Variants in BPTF observed in about 807,000 individuals in gnomAD.
BPTF encodes nucleosome-remodeling factor subunit BPTF.
Under a neutral mutation model 292.5 loss-of-function variants are expected in BPTF, and 18 were observed. That is an observed-to-expected ratio of 0.06 (90% CI 0.04 to 0.09). BPTF has a LOEUF of 0.09. BPTF is among the 10% of genes least tolerant of loss of function. BPTF has a pLI of 1.00. For synonymous variants in BPTF, 1,225 were observed against 1,251.9 expected (o/e 0.98, Z 0.45); for missense variants, 2,726 against 3,498.7 (o/e 0.78, Z 5.57).
chr17:67,838,131 C>T (rs1292829794), intron 1 of BPTF, among the ~76,000 whole-genome samples: 1 of 152,232 alleles, frequency 6.6e-6, no homozygotes, highest in Non-Finnish European at 1.5e-5. Context: ...CACAGCTGCT[C>T]AGCTCTGCCC....
At chr17:67,836,669 A>G (rs1407088693) in intron 1 of BPTF, among the ~76,000 whole-genome samples, 2 of 152,226 alleles carry the variant, frequency 1.3e-5, no homozygotes, top group Admixed American at 6.5e-5. Context: ...ATCCTTAACA[A>G]TATCGTAGAC....
At chr17:67,877,744 A>G (rs2145824711) in intron 4 of BPTF, among the ~76,000 whole-genome samples, 2 of 152,166 alleles carry the variant, frequency 1.3e-5, no homozygotes, top group Middle Eastern at 6.8e-3. Flanking sequence ...TCAGCCTTCC[A>G]AGTAGCTGAG....
At chr17:67,886,763 T>G (rs2060782009) in intron 4 of BPTF, among the ~76,000 whole-genome samples, 1 of 152,216 alleles carries the variant, frequency 6.6e-6, no homozygotes, top group Admixed American at 6.5e-5. Flanking sequence ...GCATCCTGCT[T>G]TTTTTACTCA....
intron 18 of BPTF, among the ~76,000 whole-genome samples, chr17:67,935,811 C>T (rs1233452569): frequency 3.3e-5 from 5 of 151,884 alleles, no homozygotes; most frequent in Non-Finnish European, 7.4e-5. Context: ...GCCAAGATTG[C>T]GCCACTGCAC....
Position 67,875,111 on chromosome 17 carries a change from C to T in BPTF, c.1864+91C>T. 1 of 1,045,400 alleles carries T rather than the reference C, an allele frequency of 9.6e-7. No individual in the cohort carries two copies. 64.8% of individuals were successfully genotyped at this position (1,045,400 alleles called of 1,614,324 possible). A position where few individuals can be genotyped will look rare whatever the true frequency, so the allele number is the denominator to read the frequency against. ...CTTGCAAAATGAAAGTGAAATATTG[C>T]AAGCAGCTACCTAATTTAATATTTC... On this transcript the variant is annotated intron_variant, in intron 4 of 27. Transcript: ENST00000306378.
chr17:67,918,226 G>A (rs1175722921), intron 11 of BPTF, among the ~76,000 whole-genome samples: 7 of 152,172 alleles, frequency 4.6e-5, no homozygotes, highest in Admixed American at 6.5e-5. Flanking sequence ...GTGAGCCACC[G>A]CATCTGACCT....
chr17:67,902,024 C>T (rs888563544), intron 7 of BPTF, among the ~76,000 whole-genome samples: 1 of 152,158 alleles, frequency 6.6e-6, no homozygotes. Context: ...CTTCGTTGGC[C>T]AAGAAGTAGA....
intron 26 of BPTF, among the ~76,000 whole-genome samples, chr17:67,970,291 C>A (rs564806960): frequency 1.3e-4 from 20 of 151,852 alleles, no homozygotes; most frequent in African/African-American, 4.1e-4. Context: ...GGTCCCAGCC[C>A]GAGAGACTGA....
At chr17:67,963,399 G>A in intron 24 of BPTF, 1 of 1,535,954 alleles carries the variant, frequency 6.5e-7, no homozygotes. Context: ...TCACAGAAAA[G>A]GAGGCTAAGA....
chr17:67,874,528 T>C (rs12450907), intron 3 of BPTF, among the ~76,000 whole-genome samples: 2 of 152,102 alleles, frequency 1.3e-5, no homozygotes, highest in East Asian at 1.9e-4. Flanking sequence ...GTGACAGATA[T>C]CTATATCAAG....
At chr17:67,875,851 G>C in intron 4 of BPTF, 2 of 993,094 alleles carry the variant, frequency 2.0e-6, no homozygotes, top group Non-Finnish European at 2.6e-6. Context: ...CATTCATGCT[G>C]CTTGCTTACA....
At position 67,911,719 on chromosome 17, in the gene BPTF, C is replaced by T; in HGVS notation, c.3835C>T (p.Leu1279=). The change falls in exon 11 of 28, where the codon CTG becomes TTG. Residue 1279 remains leucine, a synonymous_variant. Transcript: ENST00000306378. ...LSRAMDFEGK[L]GCDSESNSTL... is the part of the protein sequence containing the mutation. ...AAGAGCAATGGACTTTGAAGGAAAA[C>T]TGGGATGTGACTCTGAATCTAATAG... 1 of 1,614,102 alleles carries T rather than the reference C, an allele frequency of 6.2e-7. No individual in the cohort carries two copies.
intron 25 of BPTF, 161 bp from the exon 26 acceptor site, chr17:67,966,411 C>G (rs557691121): frequency 8.0e-4 from 425 of 528,558 alleles, no homozygotes; most frequent in Non-Finnish European, 1.2e-3. Flanking sequence ...GGAAGCTCAT[C>G]TTAGGTAACT....
At position 67,892,018 on chromosome 17, in the gene BPTF, T is replaced by C. The variant is rs1248672196; in HGVS notation, c.2039T>C (p.Phe680Ser). Residue 680 changes from phenylalanine (F) to serine (S), a missense_variant, in exon 5 of 28, where the codon TTT (phenylalanine) becomes TCT (serine). By Grantham distance (155) the Phe-to-Ser change is radical (BLOSUM62 -2). Transcript: ENST00000306378. ...GCTGCACATGAAGCAAATAAATTATTTAAGGAGGGCAAAGAGGTGTGTTCT... is the reference window on the plus strand; with the variant it reads ...GCTGCACATGAAGCAAATAAATTATCTAAGGAGGGCAAAGAGGTGTGTTCT... ...AAAAHEANKL[F>S]KEGKEVLVVN... 3 of 1,598,366 alleles carry C rather than the reference T, an allele frequency of 1.9e-6. No homozygotes were observed.
At chr17:67,934,304 G>T (rs929949123) in intron 18 of BPTF, among the ~76,000 whole-genome samples, 8 of 151,096 alleles carry the variant, frequency 5.3e-5, no homozygotes, top group Admixed American at 2.6e-4. Context: ...GATCACCTGA[G>T]GTCAGGAGTT....
In BPTF at chr17:67,928,472, T is replaced by C. The variant is rs777542460; in HGVS notation, c.5869T>C (p.Ser1957Pro). 3.1e-6 allele frequency: 5 copies of C among 1,614,164 alleles called. No homozygotes were observed. The Admixed American group carries it at 8.3e-5, about 27-fold the overall frequency. The change falls in exon 16 of 28, where the codon TCA (serine) becomes CCA (proline). Residue 1957 changes from serine to proline, a missense_variant. Physicochemically the swap from Ser to Pro is moderately conservative, Grantham distance 74. Coordinates refer to ENST00000306378, the MANE Select transcript of BPTF (RefSeq NM_182641.4). ...GGTTATGGTGGCCCCCATAAGTGGC[T>C]CAGTTACAACTGGAACCAAAATGGT... ...QKVMVAPISGSVTTGTKMVLT... is the reference protein window; with the variant it reads ...QKVMVAPISGPVTTGTKMVLT...
At position 67,953,320 on chromosome 17, in the gene BPTF, G is replaced by A. The variant is rs546183492; in HGVS notation, c.7926+5014G>A. 4.7e-5 allele frequency among the ~76,000 whole-genome samples: 7 copies of A among 148,440 alleles called. No homozygotes were observed. In the Admixed American group the frequency reaches 4.8e-4, roughly 10 times the overall value. ...CACCCAGGCTGGACTGCAATGGCGC[G>A]ATCTCGGCTCCTGCAACCTCCTCCT... On this transcript the variant is annotated intron_variant, in intron 23 of 27. Coordinates refer to ENST00000306378, the MANE Select transcript of BPTF (RefSeq NM_182641.4).
chr17:67,885,078 A>G (rs1410315640), intron 4 of BPTF, among the ~76,000 whole-genome samples: 1 of 152,202 alleles, frequency 6.6e-6, no homozygotes, highest in East Asian at 1.9e-4. Flanking sequence ...GAAACCCAAA[A>G]TTATACATTA....
chr17:67,922,689 T>C, intron 13 of BPTF, 151 bp from the exon 14 acceptor site: 1 of 793,160 alleles, frequency 1.3e-6, no homozygotes, highest in Non-Finnish European at 1.9e-6. Flanking sequence ...TTGGCTGCTT[T>C]CATGATACAA....
Sources: gnomAD v4.1 joint callset for allele counts (sites outside exome capture counted in the v4.1 genomes callset) on GRCh38, gnomAD v4.1.1 for gene constraint, MANE v1.5 for transcripts, NCBI Gene and HGNC (gene_info 2026-07-23, HGNC 2026-07-21) for gene names.